Variants in CPNE3 observed in about 807,000 individuals in gnomAD.
The protein encoded by CPNE3 is copine 3, also known as copine-3.
Under a neutral mutation model 63.9 loss-of-function variants are expected in CPNE3, and 68 were observed. The ratio of observed to expected loss-of-function variants is 1.06; its 90% confidence interval spans 0.87 to 1.30. The LOEUF (loss-of-function observed/expected upper bound fraction) is 1.30, where lower values mean the gene tolerates loss of function less well. CPNE3 is among the 50% of genes most tolerant of loss of function. The pLI is 0.00. For synonymous variants in CPNE3, 219 were observed against 197.5 expected, an observed-to-expected ratio of 1.11 and a Z score of -0.91; for missense variants, 665 against 578.1, an observed-to-expected ratio of 1.15 and a Z score of -1.54.
intron 2 of CPNE3, among the ~76,000 whole-genome samples, chr8:86,517,933 C>G (rs1311844440): frequency 2.0e-5 from 3 of 152,096 alleles, no homozygotes; most frequent in Non-Finnish European, 4.4e-5. Flanking sequence ...AAGGGATTTG[C>G]CCTAATTAAA....
intron 2 of CPNE3, chr8:86,521,616 T>G (rs2131423888): frequency 6.6e-6 from 1 of 152,308 alleles, no homozygotes; most frequent in South Asian, 2.1e-4. Context: ...AATTAACTAT[T>G]AATTAGAGGC....
chr8:86,521,824 A>G (rs1468116249), intron 2 of CPNE3: 1 of 152,158 alleles, frequency 6.6e-6, no homozygotes, highest in Non-Finnish European at 1.5e-5. Context: ...TTCTGGGTCA[A>G]TCAATTCAGA....
At position 86,532,544 on chromosome 8, in the gene CPNE3, C is replaced by G. The variant is rs2131450441; in HGVS notation, c.423C>G (p.Val141=). ...SAEEIKDNRV[V]LFEMEARKLD... ...AAGAAATAAAAGATAATAGAGTGGT[C>G]TTGTTTGAAATGGAAGCCAGAAAAC... The change falls in exon 6 of 17, where the codon GTC becomes GTG. Residue 141 remains valine (V), a synonymous_variant. Transcript: ENST00000517490. 3 of 1,612,814 alleles carry G rather than the reference C, an allele frequency of 1.9e-6. No individual in the cohort carries two copies. Among genetic ancestry groups the G allele is most frequent in the African/African-American group, 1.3e-5 (1 of 74,970 alleles).
chr8:86,535,538 T>C (rs1820784531), intron 6 of CPNE3, among the ~76,000 whole-genome samples: 2 of 151,926 alleles, frequency 1.3e-5, no homozygotes, highest in Non-Finnish European at 2.9e-5. Context: ...CATGGTAGCA[T>C]GCACCTGTAG....
chr8:86,535,875 A>G (rs1426496592), intron 6 of CPNE3, among the ~76,000 whole-genome samples: 1 of 152,154 alleles, frequency 6.6e-6, no homozygotes, highest in Non-Finnish European at 1.5e-5. Context: ...TAAGGTGTGT[A>G]TATTCCACTT....
At position 86,518,137 on chromosome 8, in the gene CPNE3, C is replaced by T. The variant is rs149709493; in HGVS notation, c.-11+2638C>T. Among the ~76,000 whole-genome samples the T allele has an allele frequency of 1.4e-4, 21 of 152,234 alleles. 1 individual carries two copies. The East Asian group carries it at 3.5e-3, about 25-fold the overall frequency. On this transcript the variant is annotated intron_variant, in intron 2 of 16. Coordinates refer to ENST00000517490, the MANE Select transcript of CPNE3 (RefSeq NM_003909.5). The stretch of plus-strand genomic sequence containing the variant: ...TCACCGTGAACTAGAAAGGAGCACA[C>T]GGTGATGAATTGTGAAGTGCCCATC...
In CPNE3 at chr8:86,540,335, G is replaced by A. The variant is rs779731286; in HGVS notation, c.633+1G>A. ...CGGAGATATGGACAAAACCATTAAGGTAAGTTGAAATTATATATATATAAA... is the reference window on the plus strand; with the variant it reads ...CGGAGATATGGACAAAACCATTAAGATAAGTTGAAATTATATATATATAAA... On this transcript the variant is annotated splice_donor_variant, in intron 8 of 16. Coordinates refer to ENST00000517490, the MANE Select transcript of CPNE3 (RefSeq NM_003909.5). LOFTEE classifies it high-confidence loss of function. 6.9e-7 allele frequency: 1 copy of A among 1,446,972 alleles called. No homozygotes were observed. The highest frequency in any genetic ancestry group is 9.2e-7 in the Non-Finnish European group (1 of 1,087,248). 89.6% of individuals were successfully genotyped at this position (1,446,972 alleles called of 1,614,324 possible).
chr8:86,522,460 G>A (rs988525690), intron 2 of CPNE3, among the ~76,000 whole-genome samples: 8 of 149,996 alleles, frequency 5.3e-5, no homozygotes, highest in African/African-American at 2.0e-4. Context: ...CAGTAACCTG[G>A]TAATAAATAC....
intron 2 of CPNE3, among the ~76,000 whole-genome samples, chr8:86,522,902 A>G (rs1432709544): frequency 1.3e-5 from 2 of 152,216 alleles, no homozygotes; most frequent in African/African-American, 2.4e-5. Flanking sequence ...AGTCACTGAC[A>G]TGAGCCTGCG....
At chr8:86,532,463 G>A in intron 5 of CPNE3, 46 bp from the exon 6 acceptor site, 1 of 1,460,700 alleles carries the variant, frequency 6.8e-7, no homozygotes, top group African/African-American at 1.4e-5. Flanking sequence ...GTGTCTATCA[G>A]AATTCCTAAA....
At chr8:86,537,888 C>T (rs1232675751) in intron 7 of CPNE3, among the ~76,000 whole-genome samples, 1 of 151,892 alleles carries the variant, frequency 6.6e-6, no homozygotes, top group Non-Finnish European at 1.5e-5. Context: ...CCTCTGCACC[C>T]CTCACCTAGA....
chr8:86,555,649 C>A (rs576737540), intron 15 of CPNE3, among the ~76,000 whole-genome samples: 4 of 152,184 alleles, frequency 2.6e-5, no homozygotes, highest in Non-Finnish European at 4.4e-5. Context: ...ATGATTTCAT[C>A]ACTTAAACCA....
Position 86,556,278 on chromosome 8 carries a change from A to C in CPNE3, c.1431A>C (p.Pro477=). ...GTGATGGTGGAAGTCTCCGCTCCCC[A>C]TTGGGCGAAGTGGCCATCAGAGATA... is the stretch of plus-strand genomic sequence containing the variant. The part of the protein sequence containing the change: ...LDGDGGSLRS[P]LGEVAIRDIV... The change falls in exon 16 of 17, where the codon CCA becomes CCC. Residue 477 remains proline, a synonymous_variant. Transcript: ENST00000517490. The C allele has an allele frequency of 1.1e-6, 1 of 873,010 alleles. No homozygotes were observed. The highest frequency in any genetic ancestry group is 2.0e-6 in the Non-Finnish European group (1 of 501,680). 54.1% of individuals were successfully genotyped at this position (873,010 alleles called of 1,614,324 possible). A position where few individuals can be genotyped will look rare whatever the true frequency, so the allele number is the denominator to read the frequency against.
At chr8:86,526,830 GTTT>G (rs1432236538) in intron 2 of CPNE3, among the ~76,000 whole-genome samples, 1 of 152,090 alleles carries the variant, frequency 6.6e-6, no homozygotes, top group Non-Finnish European at 1.5e-5. Flanking sequence ...TTTTAAACGG[GTTT>G]TCTAGCTACT....
chr8:86,555,814 T>C (rs113811531), intron 15 of CPNE3, among the ~76,000 whole-genome samples: 1 of 152,238 alleles, frequency 6.6e-6, no homozygotes, highest in African/African-American at 2.4e-5. Flanking sequence ...GAGTTAAAAC[T>C]GTTTATTCCT....
chr8:86,533,203 A>G (rs1302188333), intron 6 of CPNE3, among the ~76,000 whole-genome samples: 1 of 151,998 alleles, frequency 6.6e-6, no homozygotes, highest in Non-Finnish European at 1.5e-5. Context: ...TTTGTACTTA[A>G]TTCTATAATC....
At chr8:86,514,798 G>A (rs557390797) in intron 1 of CPNE3, 50 of 152,262 alleles carry the variant, frequency 3.3e-4, no homozygotes, top group African/African-American at 1.2e-3. Context: ...GAGGAGCCCG[G>A]GCTCGGGGCT....
intron 4 of CPNE3, among the ~76,000 whole-genome samples, chr8:86,530,301 C>G (rs374561335): frequency 6.6e-6 from 1 of 152,028 alleles, no homozygotes; most frequent in East Asian, 1.9e-4. Flanking sequence ...TCCCAAGTAG[C>G]TAGGACTATA....
rs189694495 is a variant in CPNE3, at chr8:86,555,414, A to G, written c.1254+430A>G. Among the ~76,000 whole-genome samples, 16 of 152,368 alleles carry G rather than the reference A, an allele frequency of 1.1e-4. No individual in the cohort carries two copies. In the East Asian group the frequency reaches 3.1e-3, roughly 29 times the overall value. ...AATTTCTCTTAGCCTCAGCATATTC[A>G]GAAGTAAGTTAGGGGAAACTACCTC... On this transcript the variant is annotated intron_variant, in intron 15 of 16. Transcript: ENST00000517490.
Sources: gnomAD v4.1 joint callset for allele counts (sites outside exome capture counted in the v4.1 genomes callset) on GRCh38, gnomAD v4.1.1 for gene constraint, MANE v1.5 for transcripts, NCBI Gene and HGNC (gene_info 2026-07-23, HGNC 2026-07-21) for gene names.